UNC5A: variants seen among roughly 807,000 people sequenced by gnomAD.
The protein encoded by UNC5A is unc-5 netrin receptor A.
Under a neutral mutation model 87.4 loss-of-function variants are expected in UNC5A, and 20 were observed. The observed-to-expected ratio is 0.23, with a 90% confidence interval of 0.16 to 0.33. The LOEUF is 0.33. Among genes scored for constraint, UNC5A ranks in the 10% least tolerant of loss-of-function variants. The pLI, the probability that UNC5A is intolerant of heterozygous loss-of-function variation, is 1.00. For missense variants in UNC5A, 844 were observed against 1,133.4 expected, an observed-to-expected ratio of 0.74 and a Z score of 3.67; for synonymous variants, 438 against 482.3, an observed-to-expected ratio of 0.91 and a Z score of 1.20.
chr5:176,840,981 G>A (rs918777625), intron 1 of UNC5A, among the ~76,000 whole-genome samples: 36 of 152,204 alleles, frequency 2.4e-4, no homozygotes, highest in Non-Finnish European at 1.5e-5. Flanking sequence ...CTGGGCAAAG[G>A]TTTCCCCACT....
At chr5:176,870,168 G>A (rs967024927) in intron 5 of UNC5A, among the ~76,000 whole-genome samples, 3 of 152,160 alleles carry the variant, frequency 2.0e-5, no homozygotes, top group African/African-American at 7.2e-5. Context: ...CGTCATCCGC[G>A]CCTCCCTGTC....
intron 1 of UNC5A, among the ~76,000 whole-genome samples, chr5:176,818,550 G>T (rs1756650942): frequency 6.6e-6 from 1 of 152,196 alleles, no homozygotes; most frequent in Admixed American, 6.5e-5. Context: ...GGTGGGTGAG[G>T]TTAGCCCCAT....
intron 13 of UNC5A, 97 bp from the exon 14 acceptor site, chr5:176,879,213 G>A (rs971676060): frequency 7.2e-7 from 1 of 1,397,526 alleles, no homozygotes; most frequent in Non-Finnish European, 9.7e-7. Context: ...CCGCCCCCAT[G>A]CTCTGGGGGA....
chr5:176,855,410 G>T (rs1172145493), intron 1 of UNC5A, among the ~76,000 whole-genome samples: 1 of 152,234 alleles, frequency 6.6e-6, no homozygotes, highest in African/African-American at 2.4e-5. Context: ...ACCATTGGTG[G>T]GGATGGGAGA....
chr5:176,862,637 T>G lies in UNC5A; in HGVS notation c.84T>G (p.Ser28Arg). ...GCCCTGCCGCAGGTGCCCAGCAGAG[T>G]GCCACCGTGGCCAACCCAGTGCCTG... ...AWLRGSGAQQSATVANPVPGA... is the reference protein window; with the variant it reads ...AWLRGSGAQQRATVANPVPGA... The change falls in exon 2 of 15, where the codon AGT (serine) becomes AGG (arginine). Residue 28 changes from serine (S) to arginine (R), a missense_variant. By Grantham distance (110) the Ser-to-Arg change is moderately radical. This residue lies in a region of UNC5A where 314 missense variants were observed against 466.5 expected (regional missense o/e 0.67). Transcript: ENST00000329542. 1.2e-6 allele frequency: 2 copies of G among 1,613,260 alleles called. No individual in the cohort carries two copies. Among genetic ancestry groups the G allele is most frequent in the Non-Finnish European group, 1.7e-6 (2 of 1,179,878 alleles).
Position 176,821,657 on chromosome 5 carries a change from T to C in UNC5A, c.70+10837T>C, listed in dbSNP as rs1018931311. ...ACCACAGCCTATATCAAGCTACCAA[T>C]GTGATGTCAACTGGCTTAAAAATTC... On this transcript the variant is annotated intron_variant, in intron 1 of 14. Transcript: ENST00000329542. 2.6e-5 allele frequency among the ~76,000 whole-genome samples: 4 copies of C among 152,344 alleles called. No individual in the cohort carries two copies. In the East Asian group the frequency reaches 7.7e-4, roughly 29 times the overall value.
chr5:176,833,834 G>A (rs987113029), intron 1 of UNC5A, among the ~76,000 whole-genome samples: 1 of 151,254 alleles, frequency 6.6e-6, no homozygotes, highest in Non-Finnish European at 1.5e-5. Context: ...TCAGCCTCCC[G>A]AGTAGCTGGG....
Position 176,879,290 on chromosome 5 carries a change from T to A in UNC5A, c.2185-20T>A. The stretch of plus-strand genomic sequence containing the variant: ...CCTGGGGAAAGTTCTAACAGGCACC[T>A]CTTTCCCTCCCACCTCCAGGACACA... On this transcript the variant is annotated intron_variant, in intron 13 of 14. Transcript: ENST00000329542. 1.3e-6 allele frequency: 2 copies of A among 1,567,224 alleles called. No individual in the cohort carries two copies. Among genetic ancestry groups the A allele is most frequent in the Non-Finnish European group, 1.7e-6 (2 of 1,156,954 alleles).
chr5:176,870,265 C>G, intron 5 of UNC5A, 105 bp from the exon 6 acceptor site: 1 of 1,434,050 alleles, frequency 7.0e-7, no homozygotes. Flanking sequence ...TCCAGGCTGC[C>G]TTGCACTGCC....
rs772557177 is a variant in UNC5A at position 176,874,057 on chromosome 5, G to A, written c.976G>A (p.Val326Ile). ...CCTGCTGCTGCTTGTCCTCATCCTC[G>A]TTTATTGCCGGAAGAAGGAGGGGCT... ...LVLLLLVLIL[V>I]YCRKKEGLDS... Residue 326 changes from valine (V) to isoleucine (I), a missense_variant, in exon 7 of 15, where the codon GTT becomes ATT. Physicochemically the swap from Val to Ile is conservative, Grantham distance 29. This residue lies in a region of UNC5A where 314 missense variants were observed against 466.5 expected (regional missense o/e 0.67). Transcript: ENST00000329542. This position sits in a 1 kb window ranked among gnomAD's most constrained non-coding sequence, Gnocchi z 7.6. The A allele has an allele frequency of 6.2e-6, 10 of 1,613,930 alleles. No individual in the cohort carries two copies. The highest frequency in any genetic ancestry group is 4.5e-5 in the East Asian group (2 of 44,896).
intron 1 of UNC5A, among the ~76,000 whole-genome samples, chr5:176,851,598 G>A (rs1403208858): frequency 6.6e-6 from 1 of 152,234 alleles, no homozygotes; most frequent in African/African-American, 2.4e-5. Context: ...GGCCACACCT[G>A]GGCTGGGGGC....
intron 1 of UNC5A, among the ~76,000 whole-genome samples, chr5:176,843,022 G>A (rs1413008678): frequency 6.6e-6 from 1 of 152,050 alleles, no homozygotes; most frequent in Non-Finnish European, 1.5e-5. Flanking sequence ...TTAGCCAGGT[G>A]TGGTGATGGG....
chr5:176,855,812 G>A (rs563666180), intron 1 of UNC5A, among the ~76,000 whole-genome samples: 2 of 152,314 alleles, frequency 1.3e-5, no homozygotes, highest in East Asian at 3.9e-4. Flanking sequence ...GGCCTGCTGG[G>A]CACCAGCATC....
At chr5:176,836,046 C>G (rs1016663430) in intron 1 of UNC5A, among the ~76,000 whole-genome samples, 4 of 152,166 alleles carry the variant, frequency 2.6e-5, no homozygotes, top group African/African-American at 9.7e-5. Context: ...TCGAAACTCT[C>G]CTGGGTGGTA....
intron 1 of UNC5A, among the ~76,000 whole-genome samples, chr5:176,813,839 C>T (rs1209216245): frequency 2.0e-5 from 3 of 152,210 alleles, no homozygotes; most frequent in African/African-American, 7.2e-5. Context: ...GGCTCCCCTG[C>T]TCTAGTGCTG....
At chr5:176,842,111 G>A (rs2113622699) in intron 1 of UNC5A, among the ~76,000 whole-genome samples, 1 of 152,326 alleles carries the variant, frequency 6.6e-6, no homozygotes, top group South Asian at 2.1e-4. Context: ...GCAGGAGAAT[G>A]GCGTGAACCC....
chr5:176,879,659 G>C (rs942854064), intron 14 of UNC5A, 62 bp from the exon 15 acceptor site: 6 of 1,590,734 alleles, frequency 3.8e-6, no homozygotes, highest in Non-Finnish European at 5.1e-6. Flanking sequence ...GTGGGCCAGG[G>C]GGGGCAGGAG....
intron 1 of UNC5A, among the ~76,000 whole-genome samples, chr5:176,827,864 G>A (rs1330164686): frequency 6.6e-6 from 1 of 152,136 alleles, no homozygotes; most frequent in Non-Finnish European, 1.5e-5. Context: ...CTCCTGCTTT[G>A]CTGGTGCCTG....
chr5:176,831,875 TTCTC>T lies in UNC5A; in HGVS notation c.70+21063_70+21066del, dbSNP rs199623939. On this transcript the variant is annotated intron_variant, in intron 1 of 14. Coordinates refer to ENST00000329542, the MANE Select transcript of UNC5A (RefSeq NM_133369.3). ...CTAAGCACTTTCACTTTCACACACT[TTCTC>T]TCTCTCTTTTTTTTTTTTTTTTTTT... Among the ~76,000 whole-genome samples the T allele has an allele frequency of 7.7e-3, 337 of 44,030 alleles. 3 individuals carry two copies. Among genetic ancestry groups the T allele is most frequent in the African/African-American group, 0.012 (330 of 28,622 alleles). 28.9% of individuals were successfully genotyped at this position (44,030 alleles called of 152,430 possible). A position where few individuals can be genotyped will look rare whatever the true frequency, so the allele number is the denominator to read the frequency against.
Sources: allele counts gnomAD v4.1 joint callset (sites outside exome capture counted in the v4.1 genomes callset), GRCh38; gene constraint gnomAD v4.1.1; regional missense constraint gnomAD v4.1.1; non-coding constraint Gnocchi (gnomAD v3.1); transcripts MANE v1.5; gene names NCBI Gene and HGNC (gene_info 2026-07-23, HGNC 2026-07-21).